Variants in EYS observed in about 807,000 individuals in gnomAD.
The protein encoded by EYS is protein eyes shut homolog.
EYS carries 250 observed loss-of-function variants against 282.1 expected under a neutral mutation model. That is an observed-to-expected ratio of 0.89 (90% CI 0.80 to 0.98). The LOEUF (loss-of-function observed/expected upper bound fraction) is 0.98. Among genes scored for constraint, EYS ranks in the 50% least tolerant of loss-of-function variants. The probability of loss-of-function intolerance (pLI) is 0.00; values close to 1 mark genes in which losing one functional copy is unlikely to be tolerated. For missense variants in EYS, 4,016 were observed against 3,709.0 expected (o/e 1.08, Z -2.15); for synonymous variants, 1,355 against 1,282.9 (o/e 1.06, Z -1.20).
At chr6:65,322,623 C>T (rs1307684976) in intron 11 of EYS, among the ~76,000 whole-genome samples, 2 of 151,736 alleles carry the variant, frequency 1.3e-5, no homozygotes, top group African/African-American at 2.4e-5. Flanking sequence ...GGTGAAATCC[C>T]GTCTCTACTA....
intron 35 of EYS, among the ~76,000 whole-genome samples, chr6:63,931,201 C>G (rs557975934): frequency 6.6e-6 from 1 of 152,288 alleles, no homozygotes; most frequent in Non-Finnish European, 1.5e-5. Context: ...TCCCAGGTGG[C>G]TTAATGAGCC....
chr6:65,598,547 C>T (rs1408461964), intron 2 of EYS, among the ~76,000 whole-genome samples: 1 of 152,022 alleles, frequency 6.6e-6, no homozygotes, highest in African/African-American at 2.4e-5. Context: ...GGATAGCTCA[C>T]CAAAAACATA....
intron 15 of EYS, among the ~76,000 whole-genome samples, chr6:64,916,998 C>T (rs950496936): frequency 3.3e-5 from 5 of 152,222 alleles, no homozygotes; most frequent in Admixed American, 2.6e-4. Context: ...CGCCTGTAAT[C>T]CCAGCACTTT....
intron 35 of EYS, among the ~76,000 whole-genome samples, chr6:63,971,562 G>T (rs1766577349): frequency 6.6e-6 from 1 of 152,088 alleles, no homozygotes; most frequent in African/African-American, 2.4e-5. Flanking sequence ...CTACAATCAT[G>T]CATATAAATA....
intron 22 of EYS, among the ~76,000 whole-genome samples, chr6:64,806,946 T>G (rs1764448737): frequency 1.3e-5 from 2 of 152,138 alleles, no homozygotes; most frequent in African/African-American, 4.8e-5. Flanking sequence ...ATGTATAATG[T>G]CTTTGCTTAT....
At chr6:64,125,873 T>G (rs912618919) in intron 31 of EYS, among the ~76,000 whole-genome samples, 2 of 150,826 alleles carry the variant, frequency 1.3e-5, no homozygotes, top group Non-Finnish European at 2.9e-5. Context: ...TCAATATAAA[T>G]TGTATCAGCC....
intron 35 of EYS, among the ~76,000 whole-genome samples, chr6:63,970,270 G>T (rs1016174770): frequency 1.3e-5 from 2 of 152,162 alleles, no homozygotes; most frequent in Non-Finnish European, 2.9e-5. Flanking sequence ...GAAGGCCCTT[G>T]TGAGCAAGGC....
At chr6:64,365,700 A>C (rs562735827) in intron 29 of EYS, among the ~76,000 whole-genome samples, 1 of 152,202 alleles carries the variant, frequency 6.6e-6, no homozygotes, top group African/African-American at 2.4e-5. Context: ...TACCTATGAT[A>C]AAGTTTAATT....
chr6:64,316,913 A>G (rs1034912990), intron 29 of EYS, among the ~76,000 whole-genome samples: 1 of 152,104 alleles, frequency 6.6e-6, no homozygotes, highest in Non-Finnish European at 1.5e-5. Context: ...ACCACCACAC[A>G]TCTACAACCA....
intron 16 of EYS, among the ~76,000 whole-genome samples, chr6:64,906,015 T>A (rs1258816942): frequency 6.6e-6 from 1 of 151,544 alleles, no homozygotes; most frequent in African/African-American, 2.4e-5. Context: ...AATTAAATAA[T>A]CTAATTTCTC....
intron 22 of EYS, among the ~76,000 whole-genome samples, chr6:64,666,124 A>C (rs571961597): frequency 1.3e-5 from 2 of 152,346 alleles, no homozygotes; most frequent in African/African-American, 4.8e-5. Context: ...GAGGAGCAGA[A>C]AAATAACTAT....
chr6:65,147,093 C>T (rs1222299887), intron 12 of EYS, among the ~76,000 whole-genome samples: 2 of 151,852 alleles, frequency 1.3e-5, no homozygotes. Flanking sequence ...TTTTAAACTG[C>T]ATTTATATTT....
At chr6:63,906,057 A>G (rs2149734615) in intron 35 of EYS, among the ~76,000 whole-genome samples, 1 of 152,352 alleles carries the variant, frequency 6.6e-6, no homozygotes, top group South Asian at 2.1e-4. Flanking sequence ...GAAGCAAAAA[A>G]TAACTGTAGT....
rs1278924557 is a variant in EYS at position 63,789,143 on chromosome 6, G to T, written c.7493C>A (p.Ala2498Glu). 1.4e-5 allele frequency: 22 copies of T among 1,551,662 alleles called. No homozygotes were observed. Among genetic ancestry groups the T allele is most frequent in the Non-Finnish European group, 1.9e-5 (22 of 1,146,942 alleles). ...ATTGAGGGGCTCGCTCCTGATGCTT[G>T]CTATGCCAGACCCCAGGTTATAACT... ...VYSYNLGSGI[A>E]SIRSEPLNLS... The change falls in exon 38 of 43, where the codon GCA becomes GAA. Residue 2498 changes from alanine to glutamate, a missense_variant. Transcript: ENST00000503581.
chr6:64,909,011 A>G (rs140261018), intron 16 of EYS, among the ~76,000 whole-genome samples: 321 of 152,116 alleles, frequency 2.1e-3, no homozygotes, highest in African/African-American at 7.6e-3. Context: ...CCGGGTACCC[A>G]CCCTTATCTG....
At chr6:65,053,864 C>T (rs1773343169) in intron 13 of EYS, among the ~76,000 whole-genome samples, 1 of 151,856 alleles carries the variant, frequency 6.6e-6, no homozygotes, top group African/African-American at 2.4e-5. Flanking sequence ...ATTAGTGAAT[C>T]AACTAAAAAT....
At chr6:63,852,875 C>T (rs150919424) in intron 36 of EYS, among the ~76,000 whole-genome samples, 3,933 of 152,158 alleles carry the variant, frequency 0.026, 88 homozygotes, top group South Asian at 0.092. Context: ...GAACCAATAA[C>T]AAAAAACCAC....
At chr6:64,021,647 G>A (rs1421157658) in intron 33 of EYS, among the ~76,000 whole-genome samples, 7 of 152,114 alleles carry the variant, frequency 4.6e-5, no homozygotes, top group Admixed American at 1.3e-4. Flanking sequence ...ATCATATGTT[G>A]TAACATTTTT....
chr6:64,844,269 C>CT (rs1161862566), intron 19 of EYS, among the ~76,000 whole-genome samples: 4 of 150,828 alleles, frequency 2.7e-5, no homozygotes, highest in Non-Finnish European at 5.9e-5. Flanking sequence ...TCTTAAATTT[C>CT]TTTTTTTCTC....
Sources: gnomAD v4.1 joint callset for allele counts (sites outside exome capture counted in the v4.1 genomes callset) on GRCh38, gnomAD v4.1.1 for gene constraint, MANE v1.5 for transcripts, NCBI Gene and HGNC (gene_info 2026-07-23, HGNC 2026-07-21) for gene names.